Variants in DNAJC1 observed in about 807,000 individuals in gnomAD.
DNAJC1 encodes the protein DnaJ heat shock protein family (Hsp40) member C1.
A neutral mutation model predicts 76.6 loss-of-function variants in DNAJC1; 58 were observed. That is an observed-to-expected ratio of 0.76 (90% CI 0.61 to 0.94). DNAJC1 has a LOEUF of 0.94. Among genes scored for constraint, DNAJC1 ranks in the 40% least tolerant of loss-of-function variants. The pLI, the probability that DNAJC1 is intolerant of heterozygous loss-of-function variation, is 0.00. For synonymous variants in DNAJC1, 258 were observed against 267.9 expected, an observed-to-expected ratio of 0.96 and a Z score of 0.36; for missense variants, 689 against 677.3, an observed-to-expected ratio of 1.02 and a Z score of -0.19.
intron 1 of DNAJC1, among the ~76,000 whole-genome samples, chr10:21,937,679 T>C (rs1233743635): frequency 2.0e-5 from 3 of 152,084 alleles, no homozygotes; most frequent in Non-Finnish European, 4.4e-5. Context: ...CTGAAGTGCA[T>C]AAGGAATATT....
At chr10:21,937,632 A>T (rs1185674052) in intron 1 of DNAJC1, among the ~76,000 whole-genome samples, 2 of 152,142 alleles carry the variant, frequency 1.3e-5, no homozygotes, top group Non-Finnish European at 2.9e-5. Flanking sequence ...ACAGACATCT[A>T]TAGAACATTC....
intron 1 of DNAJC1, among the ~76,000 whole-genome samples, chr10:21,950,869 G>C (rs1007059323): frequency 6.6e-6 from 1 of 152,170 alleles, no homozygotes; most frequent in Admixed American, 6.5e-5. Flanking sequence ...AAGGACAAGA[G>C]GGTGAGGAAG....
At chr10:21,899,972 C>A (rs1836620763) in intron 7 of DNAJC1, among the ~76,000 whole-genome samples, 1 of 152,070 alleles carries the variant, frequency 6.6e-6, no homozygotes, top group Non-Finnish European at 1.5e-5. Flanking sequence ...AATGTGAAGA[C>A]CTCGGACATT....
chr10:21,779,226 G>C (rs1297534977), intron 9 of DNAJC1, among the ~76,000 whole-genome samples: 1 of 152,206 alleles, frequency 6.6e-6, no homozygotes, highest in Non-Finnish European at 1.5e-5. Flanking sequence ...ATGTCCCTGT[G>C]TGACAGCTTT....
chr10:21,886,907 A>C (rs994843979), intron 7 of DNAJC1, among the ~76,000 whole-genome samples: 3 of 152,234 alleles, frequency 2.0e-5, no homozygotes, highest in Admixed American at 6.5e-5. Flanking sequence ...TAGGCAAGAG[A>C]AAGAAATAAA....
intron 8 of DNAJC1, among the ~76,000 whole-genome samples, chr10:21,823,471 A>G (rs1361459184): frequency 6.6e-6 from 1 of 152,200 alleles, no homozygotes; most frequent in Non-Finnish European, 1.5e-5. Flanking sequence ...CTTAACATTT[A>G]GTCCGATTTT....
At chr10:21,884,080 G>A (rs1836328745) in intron 7 of DNAJC1, among the ~76,000 whole-genome samples, 1 of 151,826 alleles carries the variant, frequency 6.6e-6, no homozygotes, top group Non-Finnish European at 1.5e-5. Context: ...TAAAGGAAGG[G>A]GACATCTAAA....
chr10:21,806,501 GCTCT>G (rs774817518), intron 8 of DNAJC1, among the ~76,000 whole-genome samples: 14 of 151,326 alleles, frequency 9.3e-5, no homozygotes, highest in African/African-American at 2.4e-4. Context: ...CTATTAAAGG[GCTCT>G]CTCTTTTTTT....
rs77181227 is a variant in DNAJC1 at position 21,935,315 on chromosome 10, T to C, written c.223-6174A>G. ...CTTTAAAAAAACAAAACAGAAATTCTGGACTAGCAAAATACATAACTGAAA... is the reference window on the plus strand; with the variant it reads ...CTTTAAAAAAACAAAACAGAAATTCCGGACTAGCAAAATACATAACTGAAA... On this transcript the variant is annotated intron_variant, in intron 1 of 11. Transcript: ENST00000376980. Among the ~76,000 whole-genome samples, 593 of 152,192 alleles carry C rather than the reference T, an allele frequency of 3.9e-3. 5 individuals are homozygous for C. The highest frequency in any genetic ancestry group is 0.013 in the African/African-American group (560 of 41,546).
At chr10:21,889,355 C>G (rs1204654596) in intron 7 of DNAJC1, among the ~76,000 whole-genome samples, 1 of 152,078 alleles carries the variant, frequency 6.6e-6, no homozygotes, top group Non-Finnish European at 1.5e-5. Flanking sequence ...GACCCCACCT[C>G]CAATACTGGT....
At chr10:21,992,579 T>C (rs913811368) in intron 1 of DNAJC1, among the ~76,000 whole-genome samples, 42 of 152,214 alleles carry the variant, frequency 2.8e-4, no homozygotes, top group African/African-American at 1.0e-3. Flanking sequence ...AGTTCATCTG[T>C]TTTTTACATT....
intron 1 of DNAJC1, among the ~76,000 whole-genome samples, chr10:21,943,171 C>T (rs1198994307): frequency 1.3e-5 from 2 of 151,320 alleles, no homozygotes; most frequent in African/African-American, 4.9e-5. Flanking sequence ...ACAAGACAAA[C>T]TAAAAATGAA....
At chr10:21,976,208 C>T (rs886206540) in intron 1 of DNAJC1, among the ~76,000 whole-genome samples, 12 of 152,130 alleles carry the variant, frequency 7.9e-5, no homozygotes, top group African/African-American at 2.9e-4. Context: ...CATGTATCTT[C>T]TTTATCCATA....
rs192130365 is a variant in DNAJC1 at position 21,795,331 on chromosome 10, A to G, written c.1098+10649T>C. ...ATATGAAGAAATGAACTGCTGATAC[A>G]TGCTACAACACGGATGAACTTCAAA... is the stretch of plus-strand genomic sequence containing the variant. On this transcript the variant is annotated intron_variant, in intron 9 of 11. Coordinates refer to ENST00000376980, the MANE Select transcript of DNAJC1 (RefSeq NM_022365.4). Among the ~76,000 whole-genome samples the G allele has an allele frequency of 1.3e-4, 20 of 152,356 alleles. No individual in the cohort carries two copies. In the East Asian group the frequency reaches 2.7e-3, roughly 21 times the overall value.
In DNAJC1 at chr10:22,002,145, T is replaced by C. The variant is rs1316546366; in HGVS notation, c.222+1068A>G. Among the ~76,000 whole-genome samples, 3 of 152,224 alleles carry C rather than the reference T, an allele frequency of 2.0e-5. No homozygotes were observed. In the South Asian group the frequency reaches 6.2e-4, roughly 31 times the overall value. The stretch of plus-strand genomic sequence containing the variant: ...TTCAATAGTTCACCCACATTTATGA[T>C]AACCTATGGGGGAAGGGGATGTGCA... On this transcript the variant is annotated intron_variant, in intron 1 of 11. Transcript: ENST00000376980.
At chr10:21,803,493 T>C (rs1834837584) in intron 9 of DNAJC1, among the ~76,000 whole-genome samples, 1 of 152,088 alleles carries the variant, frequency 6.6e-6, no homozygotes, top group Admixed American at 6.6e-5. Flanking sequence ...GAAACAATAC[T>C]AGCTGAACCA....
intron 6 of DNAJC1, among the ~76,000 whole-genome samples, chr10:21,909,192 T>C (rs1263193250): frequency 6.6e-6 from 1 of 152,166 alleles, no homozygotes; most frequent in African/African-American, 2.4e-5. Context: ...CTGGCCAATA[T>C]TTAAGATTTC....
At chr10:21,966,948 A>T (rs1450823236) in intron 1 of DNAJC1, among the ~76,000 whole-genome samples, 6 of 151,242 alleles carry the variant, frequency 4.0e-5, no homozygotes, top group Non-Finnish European at 8.8e-5. Context: ...CGGCCTCCCA[A>T]AGTGCTGGGA....
intron 1 of DNAJC1, among the ~76,000 whole-genome samples, chr10:21,940,472 A>G (rs550628933): frequency 6.6e-6 from 1 of 152,322 alleles, no homozygotes; most frequent in East Asian, 1.9e-4. Context: ...GGTTGCTGAT[A>G]AGAGAACATT....
Sources: allele counts gnomAD v4.1 joint callset (sites outside exome capture counted in the v4.1 genomes callset), GRCh38; gene constraint gnomAD v4.1.1; transcripts MANE v1.5; gene names NCBI Gene and HGNC (gene_info 2026-07-23, HGNC 2026-07-21).